RHBG: variants seen among roughly 807,000 people sequenced by gnomAD.
RHBG encodes the protein Rh family B glycoprotein, also known as ammonium transporter Rh type B.
RHBG carries 39 observed loss-of-function variants against 40.1 expected under a neutral mutation model. That is an observed-to-expected ratio of 0.97 (90% confidence interval 0.75 to 1.27). The LOEUF is 1.27. RHBG is among the 50% of genes most tolerant of loss of function. The pLI, the probability that RHBG is intolerant of heterozygous loss-of-function variation, is 0.00. For synonymous variants in RHBG, 237 were observed against 252.5 expected (o/e 0.94, Z 0.58); for missense variants, 549 against 588.1 (o/e 0.93, Z 0.69).
At chr1:156,371,481 G>A in intron 1 of RHBG, 1 of 223,260 alleles carries the variant, frequency 4.5e-6, no homozygotes, top group South Asian at 5.4e-5. Flanking sequence ...CTTTCTGTAT[G>A]CAGAGCTCAT....
At chr1:156,381,744 G>C (rs917181937) in intron 5 of RHBG, 62 bp from the exon 6 acceptor site, 1 of 1,540,994 alleles carries the variant, frequency 6.5e-7, no homozygotes, top group Non-Finnish European at 8.7e-7. Flanking sequence ...GTGGTGTGTA[G>C]GGTTGGGTTG....
chr1:156,384,761 C>T lies in RHBG; in HGVS notation c.1309-16C>T. The stretch of plus-strand genomic sequence containing the variant: ...CTGGAGCTACCCTTTCACCTCTACC[C>T]ACTCCTGCCTTCCAGGTGCCTGGCG... On this transcript the variant is annotated splice_polypyrimidine_tract_variant and intron_variant, in intron 9 of 9. Transcript: ENST00000537040. The T allele has an allele frequency of 6.2e-7, 1 of 1,613,444 alleles. No individual in the cohort carries two copies. The highest frequency in any genetic ancestry group is 8.5e-7 in the Non-Finnish European group (1 of 1,179,472).
At chr1:156,369,975 G>A (rs1443706034) in intron 1 of RHBG, among the ~76,000 whole-genome samples, 5 of 152,094 alleles carry the variant, frequency 3.3e-5, no homozygotes, top group Non-Finnish European at 7.4e-5. Flanking sequence ...TTGGGATCAG[G>A]CATTTCTTCC....
At position 156,382,835 on chromosome 1, in the gene RHBG, A is replaced by G. The variant is rs780869820; in HGVS notation, c.1200A>G (p.Thr400=). Residue 400 remains threonine (T), a synonymous_variant, in exon 8 of 10, where the codon ACA becomes ACG. Transcript: ENST00000537040. ...AMHQLFGLFV[T]LMFASVGGGL... is the part of the protein sequence containing the mutation. ...ACCAGCTCTTCGGGCTGTTTGTCAC[A>G]CTGATGTTTGCCTCTGTGGGCGGGG... 1.9e-6 allele frequency: 3 copies of G among 1,614,014 alleles called. No homozygotes were observed. Among genetic ancestry groups the G allele is most frequent in the Non-Finnish European group, 2.5e-6 (3 of 1,180,034 alleles).
intron 1 of RHBG, among the ~76,000 whole-genome samples, chr1:156,376,923 A>C (rs1667243823): frequency 6.6e-6 from 1 of 152,218 alleles, no homozygotes; most frequent in Non-Finnish European, 1.5e-5. Context: ...ACTTTCTAGC[A>C]GAGGAAATGT....
At chr1:156,370,448 C>CAA (rs1274045497) in intron 1 of RHBG, among the ~76,000 whole-genome samples, 11 of 95,026 alleles carry the variant, frequency 1.2e-4, no homozygotes, top group South Asian at 3.2e-4. Flanking sequence ...GACTCCATCT[C>CAA]GAGAAAAAAA....
intron 1 of RHBG, chr1:156,371,411 C>T (rs761517966): frequency 1.0e-5 from 3 of 298,894 alleles, no homozygotes; most frequent in Non-Finnish European, 1.9e-5. Context: ...CCACCCACCT[C>T]GGCCTCCCAA....
chr1:156,369,592 A>G (rs1666706174), intron 1 of RHBG, among the ~76,000 whole-genome samples, 156 bp downstream of exon 1: 1 of 151,786 alleles, frequency 6.6e-6, no homozygotes, highest in African/African-American at 2.4e-5. Flanking sequence ...TCACCCTTTC[A>G]CTAGTGCCTG....
In RHBG at chr1:156,369,407, C is replaced by T. The variant is rs771077569; in HGVS notation, c.158C>T (p.Ala53Val). 27 of 1,613,544 alleles carry T rather than the reference C, an allele frequency of 1.7e-5. No homozygotes were observed. The highest frequency in any genetic ancestry group is 1.7e-4 in the Middle Eastern group (1 of 6,058). Residue 53 changes from alanine (A) to valine (V), a missense_variant, in exon 1 of 10, where the codon GCG becomes GTG. Ala to Val is a moderately conservative substitution (Grantham distance 64). Coordinates refer to ENST00000537040, the MANE Select transcript of RHBG (RefSeq NM_020407.5). ...TGGCACCGGAGCAACCACAGTAACG[C>T]GGACAATGAATTTTACTTTCGCTAC... ...ALWHRSNHSN[A>V]DNEFYFRYPS... is the part of the protein sequence containing the mutation.
intron 8 of RHBG, among the ~76,000 whole-genome samples, chr1:156,383,138 C>A (rs549687918): frequency 1.4e-4 from 21 of 152,186 alleles, no homozygotes; most frequent in South Asian, 6.2e-4. Flanking sequence ...GCTCCCTCTG[C>A]CCACTAGAGG....
intron 9 of RHBG, 65 bp from the exon 10 acceptor site, chr1:156,384,712 C>A: frequency 6.3e-7 from 1 of 1,577,294 alleles, no homozygotes; most frequent in Non-Finnish European, 8.7e-7. Context: ...TGGGGTACAC[C>A]CCTGAACTGT....
chr1:156,384,687 C>A, intron 9 of RHBG, 87 bp downstream of exon 9: 1 of 1,537,636 alleles, frequency 6.5e-7, no homozygotes, highest in Non-Finnish European at 8.9e-7. Context: ...TCCTTCCTTG[C>A]TGCTCCTTCT....
intron 4 of RHBG, among the ~76,000 whole-genome samples, chr1:156,379,303 C>T (rs1667454114): frequency 6.6e-6 from 1 of 152,074 alleles, no homozygotes; most frequent in Non-Finnish European, 1.5e-5. Context: ...GCTACCACCA[C>T]CTGCTTCTAA....
chr1:156,383,320 T>C (rs1368700492), intron 8 of RHBG, among the ~76,000 whole-genome samples: 1 of 152,334 alleles, frequency 6.6e-6, no homozygotes, highest in East Asian at 1.9e-4. Flanking sequence ...TTGGCCTTAG[T>C]CTTTTTGGCC....
At chr1:156,372,203 C>T (rs188703015) in intron 1 of RHBG, among the ~76,000 whole-genome samples, 9 of 152,326 alleles carry the variant, frequency 5.9e-5, no homozygotes, top group Admixed American at 3.3e-4. Flanking sequence ...GCTGGAAGGA[C>T]GCTGAGAGCC....
chr1:156,382,880 T>G lies in RHBG; in HGVS notation c.1234+11T>G, dbSNP rs374252974. On this transcript the variant is annotated intron_variant, in intron 8 of 9. Transcript: ENST00000537040. ...GCGGGGGCCTTGGAGGTGAGTAACCTTGGATTTTCTAGAGGAAGGGGCATG... is the reference window on the plus strand; with the variant it reads ...GCGGGGGCCTTGGAGGTGAGTAACCGTGGATTTTCTAGAGGAAGGGGCATG... The G allele has an allele frequency of 6.2e-7, 1 of 1,614,084 alleles. No individual in the cohort carries two copies. Among genetic ancestry groups the G allele is most frequent in the African/African-American group, 1.3e-5 (1 of 74,930 alleles).
At chr1:156,381,160 C>G (rs1328048191) in intron 4 of RHBG, among the ~76,000 whole-genome samples, 187 bp from the exon 5 acceptor site, 1 of 152,210 alleles carries the variant, frequency 6.6e-6, no homozygotes, top group African/African-American at 2.4e-5. Flanking sequence ...CCTCGGCCTC[C>G]CAAAGTGCTG....
chr1:156,376,930 A>G (rs1667244082), intron 1 of RHBG, among the ~76,000 whole-genome samples: 1 of 152,234 alleles, frequency 6.6e-6, no homozygotes, highest in African/African-American at 2.4e-5. Context: ...AGCAGAGGAA[A>G]TGTTGAAGTC....
chr1:156,380,640 C>T (rs1667554530), intron 4 of RHBG, among the ~76,000 whole-genome samples: 1 of 144,980 alleles, frequency 6.9e-6, no homozygotes, highest in Non-Finnish European at 1.5e-5. Context: ...GCAGGAGAAT[C>T]ACTTGAACCT....
Sources: gnomAD v4.1 joint callset for allele counts (sites outside exome capture counted in the v4.1 genomes callset) on GRCh38, gnomAD v4.1.1 for gene constraint, MANE v1.5 for transcripts, NCBI Gene and HGNC (gene_info 2026-07-23, HGNC 2026-07-21) for gene names.